The following TJP3 variants were observed in gnomAD, a reference collection of about 807,000 sequenced individuals.
TJP3 encodes tight junction protein 3.
TJP3 carries 85 observed loss-of-function variants against 104.2 expected under a neutral mutation model. The ratio of observed to expected loss-of-function variants is 0.82; its 90% CI spans 0.68 to 0.98. The LOEUF is 0.98. TJP3 is among the 50% of genes least tolerant of loss of function. The pLI, the probability that TJP3 is intolerant of heterozygous loss-of-function variation, is 0.00. For missense variants in TJP3, 1,367 were observed against 1,322.8 expected (o/e 1.03, Z -0.52); for synonymous variants, 550 against 550.6 (o/e 1.00, Z 0.02).
intron 19 of TJP3, among the ~76,000 whole-genome samples, chr19:3,749,904 A>G (rs1431540833): frequency 6.6e-6 from 1 of 152,198 alleles, no homozygotes; most frequent in Non-Finnish European, 1.5e-5. Context: ...TGCACAGATG[A>G]GAAACCCAAT....
chr19:3,750,173 G>A lies in TJP3; in HGVS notation c.2646G>A (p.Gln882=), dbSNP rs1475025379. The change falls in exon 20 of 21, where the codon CAG becomes CAA. Residue 882 remains glutamine, a synonymous_variant. Transcript: ENST00000541714. ...GCCACCCCCAGGGACAGTGGCGACA[G>A]GACAGCATGCGGTAAGAACCCCATA... ...DSRHPQGQWR[Q]DSMRTYEREA... 3 of 1,612,972 alleles carry A rather than the reference G, an allele frequency of 1.9e-6. No homozygotes were observed. The highest frequency in any genetic ancestry group is 3.4e-5 in the Admixed American group (2 of 59,688).
rs761114012 is a variant in TJP3, at chr19:3,734,386, C to T, written c.937C>T (p.Pro313Ser). 3.1e-6 allele frequency: 5 copies of T among 1,613,220 alleles called. No individual in the cohort carries two copies. The highest frequency in any genetic ancestry group is 1.3e-5 in the African/African-American group (1 of 74,930). The change falls in exon 8 of 21, where the codon CCC becomes TCC. Residue 313 changes from proline (P) to serine (S), a missense_variant. Pro to Ser is a moderately conservative substitution (Grantham distance 74). Transcript: ENST00000541714. ...ACCACCATCCCACATCCCACCACCA[C>T]CCCGGCATGCTCAGCGGAGCCCCGA... The part of the protein sequence containing the change: ...QAPPSHIPPP[P>S]RHAQRSPEAS...
At position 3,730,082 on chromosome 19, in the gene TJP3, C is replaced by A; in HGVS notation, c.213C>A (p.Ser71=). Residue 71 remains serine (S), a synonymous_variant, in exon 4 of 21, where the codon TCC becomes TCA. Coordinates refer to ENST00000541714, the MANE Select transcript of TJP3 (RefSeq NM_001267560.2). This position sits in a 1 kb window ranked among gnomAD's most constrained non-coding sequence, Gnocchi z 7.3. The part of the protein sequence containing the change: ...VNGVSMENAT[S]AFAIQILKTC... ...GGGTTTCCATGGAGAATGCCACCTC[C>A]GCGTTTGCCATTCAGATACTCAAGA... The A allele has an allele frequency of 1.2e-6, 2 of 1,614,138 alleles. No homozygotes were observed. Among genetic ancestry groups the A allele is most frequent in the Non-Finnish European group, 1.7e-6 (2 of 1,180,028 alleles).
chr19:3,740,116 C>T (rs992302940), intron 13 of TJP3, among the ~76,000 whole-genome samples: 4 of 152,098 alleles, frequency 2.6e-5, no homozygotes, highest in Non-Finnish European at 5.9e-5. Flanking sequence ...CCTGTAATCC[C>T]AGCTACTTGG....
At chr19:3,712,131 C>T (rs1310311535) in intron 1 of TJP3, among the ~76,000 whole-genome samples, 1 of 152,120 alleles carries the variant, frequency 6.6e-6, no homozygotes, top group African/African-American at 2.4e-5. Context: ...GCCTGGCAAA[C>T]GTGGTGAAAC....
chr19:3,738,971 C>T lies in TJP3; in HGVS notation c.1468C>T (p.Pro490Ser). The T allele has an allele frequency of 6.2e-7, 1 of 1,613,304 alleles. No individual in the cohort carries two copies. The highest frequency in any genetic ancestry group is 8.5e-7 in the Non-Finnish European group (1 of 1,179,834). Residue 490 changes from proline to serine, a missense_variant, in exon 13 of 21, where the codon CCA (proline) becomes TCA (serine). Transcript: ENST00000541714. The part of the protein sequence containing the change: ...IRTHFELEPS[P>S]PSGLGFTRGD... ...CACTCACTTTGAGCTGGAGCCCAGT[C>T]CACCGTCTGGCCTGGGCTTCACCCG...
chr19:3,735,419 G>C (rs1417850823), intron 8 of TJP3, 147 bp from the exon 9 acceptor site: 1 of 759,906 alleles, frequency 1.3e-6, no homozygotes, highest in Non-Finnish European at 2.2e-6. Flanking sequence ...GGCTGGTCTT[G>C]AAATCCTGAC....
In TJP3 at chr19:3,736,313, A is replaced by G. The variant is rs766905726; in HGVS notation, c.1276A>G (p.Ile426Val). The G allele has an allele frequency of 8.5e-6, 13 of 1,531,880 alleles. No individual in the cohort carries two copies. Among genetic ancestry groups the G allele is most frequent in the Non-Finnish European group, 1.1e-5 (13 of 1,140,500 alleles). 94.9% of individuals were successfully genotyped at this position (1,531,880 alleles called of 1,614,324 possible). The change falls in exon 11 of 21, where the codon ATT (isoleucine) becomes GTT (valine). Residue 426 changes from isoleucine (I) to valine (V), a missense_variant. Physicochemically the swap from Ile to Val is conservative, Grantham distance 29. Transcript: ENST00000541714. ...GCAGGGCATCCAGGAGGGAGATCAG[A>G]TTCTGCAGGTGCTCCGGGGGCGGCT... ...DGQGIQEGDQ[I>V]LQVNDVPFQN...
At chr19:3,742,021 G>A (rs978201477) in intron 14 of TJP3, among the ~76,000 whole-genome samples, 2 of 152,114 alleles carry the variant, frequency 1.3e-5, no homozygotes, top group South Asian at 4.1e-4. Flanking sequence ...GGGACAGAAG[G>A]ACAGGAAGGG....
intron 3 of TJP3, among the ~76,000 whole-genome samples, chr19:3,729,008 G>A (rs2036636311): frequency 6.6e-6 from 1 of 152,100 alleles, no homozygotes; most frequent in South Asian, 2.1e-4. Context: ...AGCCAAGATT[G>A]CGCCACTGCA....
chr19:3,731,660 A>T (rs1307130171), intron 5 of TJP3, among the ~76,000 whole-genome samples: 1 of 146,638 alleles, frequency 6.8e-6, no homozygotes, highest in Non-Finnish European at 1.5e-5. Flanking sequence ...TAAAAAATAA[A>T]AATTGAAACA....
In TJP3 at chr19:3,750,668, C is replaced by T. The variant is rs371169848; in HGVS notation, c.2744C>T (p.Pro915Leu). The change falls in exon 21 of 21, where the codon CCG becomes CTG. Residue 915 changes from proline (P) to leucine (L), a missense_variant. Physicochemically the swap from Pro to Leu is moderately conservative, Grantham distance 98. Coordinates refer to ENST00000541714, the MANE Select transcript of TJP3 (RefSeq NM_001267560.2). The part of the protein sequence containing the change: ...SSDEDGYDWG[P>L]ATDL The stretch of plus-strand genomic sequence containing the variant: ...GATGAAGACGGCTATGACTGGGGTC[C>T]GGCCACTGACCTGTGACCTCTCGAA... 1.2e-5 allele frequency: 20 copies of T among 1,601,730 alleles called. No homozygotes were observed. Among genetic ancestry groups the T allele is most frequent in the Admixed American group, 3.4e-5 (2 of 58,074 alleles).
chr19:3,712,906 C>T (rs1474585605), intron 1 of TJP3, among the ~76,000 whole-genome samples: 1 of 150,880 alleles, frequency 6.6e-6, no homozygotes. Context: ...GCTATGATTG[C>T]ACCACTGCAC....
At chr19:3,720,723 A>G (rs1299720603) in intron 1 of TJP3, among the ~76,000 whole-genome samples, 20 of 151,674 alleles carry the variant, frequency 1.3e-4, no homozygotes, top group Admixed American at 1.3e-3. Flanking sequence ...TCCTAGGTCT[A>G]ACCTTAGGAA....
intron 15 of TJP3, among the ~76,000 whole-genome samples, chr19:3,745,386 T>C (rs1627403): frequency 0.7 from 106,696 of 151,892 alleles, 37,868 homozygotes; most frequent in Admixed American, 0.79. Context: ...TCAGGTGATC[T>C]ACCTGCCTCA....
rs191865013 is a variant in TJP3, at chr19:3,723,074, C to T, written c.-9-5350C>T. ...CAGGACACACCTGTTGAGCACCTGG[C>T]CACAGTGTGTTTTACTCAACCATTC... On this transcript the variant is annotated intron_variant, in intron 1 of 20. Coordinates refer to ENST00000541714, the MANE Select transcript of TJP3 (RefSeq NM_001267560.2). Among the ~76,000 whole-genome samples the T allele has an allele frequency of 1.2e-3, 178 of 152,312 alleles. 1 individual carries two copies. Among genetic ancestry groups the T allele is most frequent in the African/African-American group, 4.0e-3 (168 of 41,576 alleles).
At chr19:3,714,469 C>T (rs560515093) in intron 1 of TJP3, among the ~76,000 whole-genome samples, 6 of 151,990 alleles carry the variant, frequency 3.9e-5, no homozygotes, top group African/African-American at 1.4e-4. Flanking sequence ...TGAGCCACCG[C>T]GCCCAGCCCG....
At position 3,726,491 on chromosome 19, in the gene TJP3, T is replaced by C. The variant is rs547470297; in HGVS notation, c.-9-1933T>C. ...GTAGACACCTGTGATCCCAGCTACT[T>C]GGGAGGCTGAGGCAGGAGAATCGCT... On this transcript the variant is annotated intron_variant, in intron 1 of 20. Coordinates refer to ENST00000541714, the MANE Select transcript of TJP3 (RefSeq NM_001267560.2). 1.3e-3 allele frequency among the ~76,000 whole-genome samples: 190 copies of C among 151,704 alleles called. 1 individual carries two copies. Among genetic ancestry groups the C allele is most frequent in the Non-Finnish European group, 2.2e-3 (151 of 67,872 alleles).
chr19:3,723,563 A>G (rs1171697252), intron 1 of TJP3, among the ~76,000 whole-genome samples: 1 of 151,792 alleles, frequency 6.6e-6, no homozygotes, highest in Non-Finnish European at 1.5e-5. Flanking sequence ...AGGCTGAGGG[A>G]GGTGGATCAC....
Sources: allele counts gnomAD v4.1 joint callset (sites outside exome capture counted in the v4.1 genomes callset), GRCh38; gene constraint gnomAD v4.1.1; non-coding constraint Gnocchi (gnomAD v3.1); transcripts MANE v1.5; gene names NCBI Gene and HGNC (gene_info 2026-07-23, HGNC 2026-07-21).